The following UBE2J2 variants were observed in gnomAD, a reference collection of about 807,000 sequenced individuals.
UBE2J2 encodes the protein ubiquitin conjugating enzyme E2 J2.
Under a neutral mutation model 28.6 loss-of-function variants are expected in UBE2J2, and 5 were observed. That is an observed-to-expected ratio of 0.17 (90% confidence interval 0.09 to 0.37). The LOEUF is 0.37. Ranked by LOEUF, UBE2J2 falls within the 10% of genes least tolerant of loss-of-function variation. The pLI is 1.00. For synonymous variants in UBE2J2, 138 were observed against 139.7 expected, an observed-to-expected ratio of 0.99 and a Z score of 0.09; for missense variants, 226 against 338.9, an observed-to-expected ratio of 0.67 and a Z score of 2.62.
intron 5 of UBE2J2, 37 bp downstream of exon 5, chr1:1,256,955 G>A: frequency 7.0e-7 from 1 of 1,422,738 alleles, no homozygotes; most frequent in East Asian, 2.7e-5. Flanking sequence ...CCAGACACAA[G>A]GCTGACGGCC....
At position 1,267,963 on chromosome 1, in the gene UBE2J2, C is replaced by T. The variant is rs553380104; in HGVS notation, c.30G>A (p.Pro10=). 3 of 1,614,016 alleles carry T rather than the reference C, an allele frequency of 1.9e-6. No individual in the cohort carries two copies. In the South Asian group the frequency reaches 3.3e-5, roughly 18 times the overall value. MSSTSSKRA[P]TTATQRLKQD... ...GCTTCAGCCTCTGGGTTGCCGTGGT[C>T]GGAGCCCTCTTACTGCTGGTGCTGC... The change falls in exon 2 of 7, where the codon CCG becomes CCA. Residue 10 remains proline (P), a synonymous_variant. Transcript: ENST00000349431.
chr1:1,273,074 C>G (rs888247960), intron 1 of UBE2J2: 1 of 152,392 alleles, frequency 6.6e-6, no homozygotes, highest in African/African-American at 2.4e-5. Context: ...CTGAAAAGGA[C>G]GCCAGGAGGT....
In UBE2J2 at chr1:1,268,844, A is replaced by T. The variant is rs796690894; in HGVS notation, c.1-852T>A. 6.8e-6 allele frequency among the ~76,000 whole-genome samples: 1 copy of T among 147,088 alleles called. No homozygotes were observed. ...AGACGCATGCCACCACGCCTAGCTA[A>T]TTTTTTTTTTTTTGTAGAGCTGGGA... On this transcript the variant is annotated intron_variant, in intron 1 of 6. Transcript: ENST00000349431. This position sits in a 1 kb window ranked among gnomAD's most constrained non-coding sequence, Gnocchi z 4.7.
intron 6 of UBE2J2, among the ~76,000 whole-genome samples, 179 bp downstream of exon 6, chr1:1,255,866 C>A (rs1052355136): frequency 3.9e-5 from 6 of 152,258 alleles, no homozygotes; most frequent in African/African-American, 1.4e-4. Flanking sequence ...CACAGCTGTC[C>A]GCAGGCCACC....
intron 3 of UBE2J2, among the ~76,000 whole-genome samples, chr1:1,261,696 G>C (rs1254374095): frequency 6.8e-6 from 1 of 146,580 alleles, no homozygotes; most frequent in Admixed American, 6.9e-5. Context: ...TTGTCACCCA[G>C]GGTGGAGTGC....
Position 1,256,861 on chromosome 1 carries a change from T to C in UBE2J2, c.414+131A>G, listed in dbSNP as rs1035713513. On this transcript the variant is annotated intron_variant, in intron 5 of 6. Transcript: ENST00000349431. Reference sequence around the variant, plus strand: ...GAGATTGCGCCACTGCACTCCAGCCTGGAGACACAGCGAGACTCCGTCTCA... The same window carrying C: ...GAGATTGCGCCACTGCACTCCAGCCCGGAGACACAGCGAGACTCCGTCTCA... 1.1e-4 allele frequency: 103 copies of C among 913,954 alleles called. 1 individual carries two copies. The highest frequency in any genetic ancestry group is 2.9e-4 in the Admixed American group (8 of 27,906). The allele number at this position is 913,954 out of a possible 1,614,324, so 56.6% of individuals were successfully genotyped here.
At chr1:1,265,058 G>A (rs1284186283) in intron 2 of UBE2J2, among the ~76,000 whole-genome samples, 4 of 152,208 alleles carry the variant, frequency 2.6e-5, no homozygotes, top group African/African-American at 7.2e-5. Flanking sequence ...GATGCACCCA[G>A]GAATGTGGCC....
chr1:1,256,754 C>T (rs7554391), intron 5 of UBE2J2, among the ~76,000 whole-genome samples: 2 of 151,892 alleles, frequency 1.3e-5, no homozygotes, highest in African/African-American at 4.8e-5. Context: ...GGCGTGGTGG[C>T]GGGCGCCTGT....
Position 1,268,891 on chromosome 1 carries a change from G to T in UBE2J2, c.1-899C>A, listed in dbSNP as rs372999103. Reference sequence around the variant, plus strand: ...GGGATCTCACTATGTTGCCCAAGGTGGTCTCAAACTCCTGGCCTCAACTGA... The same window carrying T: ...GGGATCTCACTATGTTGCCCAAGGTTGTCTCAAACTCCTGGCCTCAACTGA... On this transcript the variant is annotated intron_variant, in intron 1 of 6. Transcript: ENST00000349431. This position sits in a 1 kb window ranked among gnomAD's most constrained non-coding sequence, Gnocchi z 4.7. Among the ~76,000 whole-genome samples the T allele has an allele frequency of 6.6e-6, 1 of 151,782 alleles. No homozygotes were observed. Among genetic ancestry groups the T allele is most frequent in the Admixed American group, 6.6e-5 (1 of 15,254 alleles).
intron 2 of UBE2J2, chr1:1,265,991 C>A: frequency 8.1e-7 from 1 of 1,229,528 alleles, no homozygotes; most frequent in South Asian, 1.3e-5. Flanking sequence ...TGCACCGGGA[C>A]TTGGGGACGC....
chr1:1,259,765 G>A (rs1047401676), intron 3 of UBE2J2, among the ~76,000 whole-genome samples: 51 of 151,988 alleles, frequency 3.4e-4, no homozygotes, highest in African/African-American at 1.2e-3. Context: ...GCCACACCAC[G>A]GAGTCCCCCA....
chr1:1,268,129 C>G lies in UBE2J2; in HGVS notation c.1-137G>C, dbSNP rs1311008542. On this transcript the variant is annotated intron_variant, in intron 1 of 6. Transcript: ENST00000349431. This position sits in a 1 kb window ranked among gnomAD's most constrained non-coding sequence, Gnocchi z 4.7. ...TCACCCAGAGTCACAGCTCACAGGT[C>G]ACCCTCGCTTGCCACCCGCCCAGAC... 3 of 1,236,568 alleles carry G rather than the reference C, an allele frequency of 2.4e-6. No homozygotes were observed. The highest frequency in any genetic ancestry group is 3.4e-6 in the Non-Finnish European group (3 of 881,804). 76.6% of individuals were successfully genotyped at this position (1,236,568 alleles called of 1,614,324 possible).
chr1:1,267,057 A>T (rs139183246), intron 2 of UBE2J2, among the ~76,000 whole-genome samples: 5,231 of 151,042 alleles, frequency 0.035, 115 homozygotes, highest in African/African-American at 0.065. Flanking sequence ...CCCAGCTAAT[A>T]TTTGTATTTT....
chr1:1,263,908 C>T (rs1485254480), intron 2 of UBE2J2, among the ~76,000 whole-genome samples: 2 of 152,074 alleles, frequency 1.3e-5, no homozygotes, highest in African/African-American at 4.8e-5. Context: ...GGGAGGATCA[C>T]TTGAGCCCAG....
chr1:1,272,162 T>A (rs565813180), intron 1 of UBE2J2, among the ~76,000 whole-genome samples: 2 of 151,204 alleles, frequency 1.3e-5, no homozygotes, highest in Admixed American at 6.6e-5. Flanking sequence ...AAAAAAAAAA[T>A]TCCACAAAGG....
At chr1:1,266,636 A>C (rs539449577) in intron 2 of UBE2J2, among the ~76,000 whole-genome samples, 2 of 151,970 alleles carry the variant, frequency 1.3e-5, no homozygotes, top group South Asian at 2.1e-4. Context: ...CCTGGCTAAC[A>C]CGGTGAAACC....
rs770345427 is a variant in UBE2J2, at chr1:1,255,458, G to A, written c.525C>T (p.Asp175=). The change falls in exon 7 of 7, where the codon GAC becomes GAT. Residue 175 remains aspartate, a synonymous_variant. Coordinates refer to ENST00000349431, the MANE Select transcript of UBE2J2 (RefSeq NM_058167.3). ...EEIKQKQKAQ[D]ELSSRPQTLP... ...GAGTCTGGGGTCTGCTACTGAGTTC[G>A]TCTTGTGCTTTCTGTTTTTGTTTAA... 8.7e-6 allele frequency: 14 copies of A among 1,611,654 alleles called. No homozygotes were observed. The highest frequency in any genetic ancestry group is 1.7e-5 in the Admixed American group (1 of 59,916).
At chr1:1,259,062 CAT>C (rs1557552708) in intron 3 of UBE2J2, among the ~76,000 whole-genome samples, 1 of 150,646 alleles carries the variant, frequency 6.6e-6, no homozygotes, top group Non-Finnish European at 1.5e-5. Flanking sequence ...CACGTGTGTG[CAT>C]GTGTGTGTGC....
rs1315616108 is a variant in UBE2J2 at position 1,258,208 on chromosome 1, T to C, written c.173-898A>G. Among the ~76,000 whole-genome samples the C allele has an allele frequency of 1.1e-4, 7 of 63,412 alleles. No individual in the cohort carries two copies. In the African/African-American group the frequency reaches 1.3e-3, roughly 12 times the overall value. The allele number at this position is 63,412 out of a possible 152,430, so 41.6% of individuals were successfully genotyped here. ...GCGCGCGCCACCACACCCAGCTAAT[T>C]TTTTTTTTAATTTTAGTAGAGACGG... On this transcript the variant is annotated intron_variant, in intron 3 of 6. Coordinates refer to ENST00000349431, the MANE Select transcript of UBE2J2 (RefSeq NM_058167.3).
Sources: allele counts gnomAD v4.1 joint callset (sites outside exome capture counted in the v4.1 genomes callset), GRCh38; gene constraint gnomAD v4.1.1; non-coding constraint Gnocchi (gnomAD v3.1); transcripts MANE v1.5; gene names NCBI Gene and HGNC (gene_info 2026-07-23, HGNC 2026-07-21).